PRKN: variants seen among roughly 807,000 people sequenced by gnomAD.
PRKN encodes the protein E3 ubiquitin-protein ligase parkin.
PRKN carries 56 observed loss-of-function variants against 59.5 expected under a neutral mutation model. The observed-to-expected ratio is 0.94, with a 90% CI of 0.76 to 1.18. The LOEUF is 1.18. Ranked by LOEUF, PRKN falls within the 50% of genes most tolerant of loss-of-function variation. The pLI, the probability that PRKN is intolerant of heterozygous loss-of-function variation, is 0.00. For missense variants in PRKN, 657 were observed against 596.4 expected, an observed-to-expected ratio of 1.10 and a Z score of -1.06; for synonymous variants, 250 against 222.1, an observed-to-expected ratio of 1.13 and a Z score of -1.12.
intron 5 of PRKN, among the ~76,000 whole-genome samples, chr6:162,035,100 C>T (rs1291532107): frequency 6.6e-6 from 1 of 151,926 alleles, no homozygotes; most frequent in Non-Finnish European, 1.5e-5. Context: ...CATATAGAGA[C>T]CACATGGCAG....
At chr6:162,676,753 C>T (rs1056398417) in intron 1 of PRKN, among the ~76,000 whole-genome samples, 3 of 152,076 alleles carry the variant, frequency 2.0e-5, no homozygotes, top group Admixed American at 6.6e-5. Flanking sequence ...ACACACAGTA[C>T]ACATATTGTA....
chr6:162,470,627 G>A (rs558062796), intron 1 of PRKN, among the ~76,000 whole-genome samples: 1 of 152,110 alleles, frequency 6.6e-6, no homozygotes, highest in Non-Finnish European at 1.5e-5. Context: ...CATTCTAGAT[G>A]GTTTGGGACA....
intron 1 of PRKN, among the ~76,000 whole-genome samples, chr6:162,565,420 A>G (rs1454510449): frequency 6.6e-6 from 1 of 152,148 alleles, no homozygotes; most frequent in African/African-American, 2.4e-5. Context: ...CGGTGGCTCA[A>G]TGTGTATAAT....
rs1000299051 is a variant in PRKN at position 161,447,686 on chromosome 6, C to T, written c.1084-60809G>A. 5.9e-5 allele frequency among the ~76,000 whole-genome samples: 9 copies of T among 152,064 alleles called. No individual in the cohort carries two copies. The highest frequency in any genetic ancestry group is 2.2e-4 in the African/African-American group (9 of 41,418). On this transcript the variant is annotated intron_variant, in intron 9 of 11. Coordinates refer to ENST00000366898, the MANE Select transcript of PRKN (RefSeq NM_004562.3). This position sits in a 1 kb window ranked among gnomAD's most constrained non-coding sequence, Gnocchi z 4.1. Reference sequence around the variant, plus strand: ...TTTTTTGTATTTTTAGTAGACACAGCGTTTCACCGTGTAAGCTAGGATGGT... The same window carrying T: ...TTTTTTGTATTTTTAGTAGACACAGTGTTTCACCGTGTAAGCTAGGATGGT...
intron 4 of PRKN, among the ~76,000 whole-genome samples, chr6:162,085,390 A>G (rs6917031): frequency 0.07 from 10,621 of 152,072 alleles, 545 homozygotes; most frequent in African/African-American, 0.12. Context: ...ATTTCAAATA[A>G]GCAATACATA....
intron 1 of PRKN, among the ~76,000 whole-genome samples, chr6:162,600,233 G>A (rs1439662779): frequency 6.6e-6 from 1 of 152,124 alleles, no homozygotes; most frequent in Non-Finnish European, 1.5e-5. Context: ...CCATCACGTG[G>A]TATACTCGTG....
At chr6:162,100,937 T>G (rs1366810337) in intron 4 of PRKN, among the ~76,000 whole-genome samples, 2 of 152,218 alleles carry the variant, frequency 1.3e-5, no homozygotes, top group Admixed American at 1.3e-4. Context: ...TTACTTATTT[T>G]CTAACTATTG....
chr6:161,655,689 A>G (rs963473201), intron 7 of PRKN, among the ~76,000 whole-genome samples: 1 of 152,252 alleles, frequency 6.6e-6, no homozygotes, highest in East Asian at 1.9e-4. Context: ...GTTTTAAACC[A>G]GAAGTAGCTA....
In PRKN at chr6:161,400,730, T is replaced by G. The variant is rs887932251; in HGVS notation, c.1084-13853A>C. Among the ~76,000 whole-genome samples the G allele has an allele frequency of 7.9e-5, 12 of 152,128 alleles. No individual in the cohort carries two copies. The highest frequency in any genetic ancestry group is 2.4e-4 in the African/African-American group (10 of 41,416). Reference sequence around the variant, plus strand: ...ATATGAGTTTCACTTCACACTGTGTTGAAGAAAAGAGCTGCAGGGGACAGA... The same window carrying G: ...ATATGAGTTTCACTTCACACTGTGTGGAAGAAAAGAGCTGCAGGGGACAGA... On this transcript the variant is annotated intron_variant, in intron 9 of 11. Coordinates refer to ENST00000366898, the MANE Select transcript of PRKN (RefSeq NM_004562.3). The surrounding 1 kb of genome is among the most constrained non-coding windows in gnomAD (Gnocchi z 4.2).
At chr6:161,528,290 G>C (rs1297521833) in intron 9 of PRKN, among the ~76,000 whole-genome samples, 1 of 152,146 alleles carries the variant, frequency 6.6e-6, no homozygotes, top group African/African-American at 2.4e-5. Context: ...TAAAGAAACA[G>C]AGTCTTCCAT....
rs927728867 is a variant in PRKN, at chr6:161,377,161, G to C, written c.1167+9633C>G. 3.3e-5 allele frequency among the ~76,000 whole-genome samples: 5 copies of C among 152,222 alleles called. No individual in the cohort carries two copies. Among genetic ancestry groups the C allele is most frequent in the Non-Finnish European group, 5.9e-5 (4 of 68,038 alleles). On this transcript the variant is annotated intron_variant, in intron 10 of 11. Coordinates refer to ENST00000366898, the MANE Select transcript of PRKN (RefSeq NM_004562.3). The surrounding 1 kb of genome is among the most constrained non-coding windows in gnomAD (Gnocchi z 4.2). ...ATAAGAGCATCCCAGCAAAGATTTT[G>C]GGGGTTCAGCAGCTGAGAACGATGG...
chr6:162,725,964 T>C (rs548150095), intron 1 of PRKN, among the ~76,000 whole-genome samples: 4 of 152,230 alleles, frequency 2.6e-5, no homozygotes, highest in Non-Finnish European at 5.9e-5. Flanking sequence ...GTGAGAGAAA[T>C]AACACTTTTA....
chr6:161,756,303 A>G (rs931527349), intron 7 of PRKN, among the ~76,000 whole-genome samples: 2 of 151,880 alleles, frequency 1.3e-5, no homozygotes, highest in Admixed American at 6.6e-5. Context: ...TCAGCCAGGC[A>G]TGGTCGTGCA....
At position 161,527,151 on chromosome 6, in the gene PRKN, G is replaced by T. The variant is rs193282210; in HGVS notation, c.1083+21703C>A. Among the ~76,000 whole-genome samples the T allele has an allele frequency of 1.9e-3, 287 of 152,280 alleles. No individual in the cohort carries two copies. Among genetic ancestry groups the T allele is most frequent in the Non-Finnish European group, 3.2e-3 (219 of 68,028 alleles). On this transcript the variant is annotated intron_variant, in intron 9 of 11. Transcript: ENST00000366898. This position sits in a 1 kb window ranked among gnomAD's most constrained non-coding sequence, Gnocchi z 4.6. ...CTTCTCTGTTTCATGAGATTCCTAT[G>T]ACAATTATTTTCCTTTATAGATATA...
chr6:161,441,851 C>G (rs1235643150), intron 9 of PRKN, among the ~76,000 whole-genome samples: 1 of 152,152 alleles, frequency 6.6e-6, no homozygotes, highest in Non-Finnish European at 1.5e-5. Flanking sequence ...TTCCCTCCCT[C>G]CATCCCTGGC....
intron 7 of PRKN, among the ~76,000 whole-genome samples, chr6:161,616,409 CTT>C (rs75076099): frequency 0.012 from 1,757 of 143,526 alleles, 33 homozygotes; most frequent in African/African-American, 0.027. Context: ...TCCATGTGTT[CTT>C]TTTTTTTTTT....
chr6:162,086,718 G>A (rs1779260796), intron 4 of PRKN, among the ~76,000 whole-genome samples: 1 of 152,134 alleles, frequency 6.6e-6, no homozygotes, highest in Non-Finnish European at 1.5e-5. Flanking sequence ...GAGAATGCTA[G>A]CAGCTCTTCA....
chr6:161,713,477 A>G (rs1786839164), intron 7 of PRKN, among the ~76,000 whole-genome samples: 1 of 152,206 alleles, frequency 6.6e-6, no homozygotes, highest in Admixed American at 6.5e-5. Flanking sequence ...TAGCATAAAC[A>G]TAAGAGTTAT....
At chr6:162,148,571 C>G (rs1431919590) in intron 4 of PRKN, among the ~76,000 whole-genome samples, 1 of 147,072 alleles carries the variant, frequency 6.8e-6, no homozygotes, top group Non-Finnish European at 1.5e-5. Context: ...ATAGTAAAGT[C>G]CAAGGTGATA....
Sources: gnomAD v4.1 joint callset for allele counts (sites outside exome capture counted in the v4.1 genomes callset) on GRCh38, gnomAD v4.1.1 for gene constraint, Gnocchi (gnomAD v3.1) non-coding constraint, MANE v1.5 for transcripts, NCBI Gene and HGNC (gene_info 2026-07-23, HGNC 2026-07-21) for gene names.